The following NDUFS4 variants were observed in gnomAD, a reference collection of about 807,000 sequenced individuals.
The protein encoded by NDUFS4 is NADH:ubiquinone oxidoreductase subunit S4, also known as NADH dehydrogenase [ubiquinone] iron-sulfur protein 4, mitochondrial.
Under a neutral mutation model 24.3 loss-of-function variants are expected in NDUFS4, and 28 were observed. The observed-to-expected ratio is 1.15, with a 90% CI of 0.85 to 1.58. The LOEUF (loss-of-function observed/expected upper bound fraction) is 1.58, where lower values mean the gene tolerates loss of function less well. NDUFS4 is among the 40% of genes most tolerant of loss of function. The pLI, the probability that NDUFS4 is intolerant of heterozygous loss-of-function variation, is 0.00. For synonymous variants in NDUFS4, 93 were observed against 69.7 expected (o/e 1.34, Z -1.67); for missense variants, 223 against 207.9 (o/e 1.07, Z -0.45).
chr5:53,681,678 A>T (rs1218157672), intron 4 of NDUFS4, among the ~76,000 whole-genome samples: 2 of 152,052 alleles, frequency 1.3e-5, no homozygotes, highest in Admixed American at 6.6e-5. Flanking sequence ...TCTCTCCTGG[A>T]TTCTGATGTT....
intron 4 of NDUFS4, among the ~76,000 whole-genome samples, chr5:53,681,264 A>T (rs1740655294): frequency 6.6e-6 from 1 of 152,094 alleles, no homozygotes; most frequent in Non-Finnish European, 1.5e-5. Context: ...GAGTGACCTT[A>T]TGCTAGTTAC....
intron 2 of NDUFS4, among the ~76,000 whole-genome samples, chr5:53,628,895 A>G (rs1293060397): frequency 1.3e-5 from 2 of 151,952 alleles, no homozygotes; most frequent in Non-Finnish European, 1.5e-5. Context: ...CTGCTCTGAT[A>G]TTAGTCATTT....
At chr5:53,621,969 G>A (rs887058821) in intron 2 of NDUFS4, among the ~76,000 whole-genome samples, 2 of 151,846 alleles carry the variant, frequency 1.3e-5, no homozygotes, top group African/African-American at 4.8e-5. Flanking sequence ...CAAAGTGCTG[G>A]GATTACAGGC....
intron 4 of NDUFS4, among the ~76,000 whole-genome samples, chr5:53,676,599 T>C (rs1740477005): frequency 1.3e-5 from 2 of 152,050 alleles, no homozygotes; most frequent in South Asian, 4.1e-4. Context: ...TTTTAAACAG[T>C]GAAATTACCA....
chr5:53,581,926 C>T (rs184521940), intron 1 of NDUFS4, among the ~76,000 whole-genome samples: 19 of 152,216 alleles, frequency 1.2e-4, no homozygotes, highest in Admixed American at 9.2e-4. Flanking sequence ...TAAATGTGAG[C>T]TAGGGCTGGG....
At chr5:53,675,741 T>C (rs960638488) in intron 4 of NDUFS4, among the ~76,000 whole-genome samples, 2 of 152,220 alleles carry the variant, frequency 1.3e-5, no homozygotes, top group African/African-American at 4.8e-5. Flanking sequence ...CAATAGAGAA[T>C]AGACCTCTAT....
At chr5:53,681,135 C>T (rs1647520354) in intron 4 of NDUFS4, among the ~76,000 whole-genome samples, 4 of 152,162 alleles carry the variant, frequency 2.6e-5, no homozygotes, top group Middle Eastern at 6.8e-3. Flanking sequence ...CCAAATAATA[C>T]TTAACATTTA....
chr5:53,663,632 T>G (rs1277551197), intron 4 of NDUFS4, among the ~76,000 whole-genome samples: 1 of 152,226 alleles, frequency 6.6e-6, no homozygotes, highest in Non-Finnish European at 1.5e-5. Context: ...AAAGTCTGTT[T>G]TATCAGAGAC....
chr5:53,649,244 G>A (rs984501290), intron 3 of NDUFS4, among the ~76,000 whole-genome samples: 4 of 152,084 alleles, frequency 2.6e-5, no homozygotes, highest in African/African-American at 9.7e-5. Context: ...TACATGTGCA[G>A]GTTTGTTACA....
intron 3 of NDUFS4, among the ~76,000 whole-genome samples, chr5:53,654,646 T>C (rs1752113231): frequency 1.3e-5 from 2 of 152,164 alleles, no homozygotes; most frequent in Non-Finnish European, 2.9e-5. Flanking sequence ...TAACTGCTAC[T>C]GATACTTAAA....
chr5:53,618,924 G>A (rs1398604650), intron 2 of NDUFS4, among the ~76,000 whole-genome samples: 2 of 151,140 alleles, frequency 1.3e-5, no homozygotes, highest in African/African-American at 4.9e-5. Flanking sequence ...GACCAGCCTG[G>A]GCAACATGGT....
chr5:53,589,658 G>A (rs557974424), intron 1 of NDUFS4, among the ~76,000 whole-genome samples: 3 of 152,162 alleles, frequency 2.0e-5, no homozygotes, highest in Non-Finnish European at 4.4e-5. Flanking sequence ...TATTGATCCT[G>A]GGTGTGTCTG....
At chr5:53,600,335 T>C (rs182547320) in intron 1 of NDUFS4, among the ~76,000 whole-genome samples, 246 of 151,724 alleles carry the variant, frequency 1.6e-3, no homozygotes, top group African/African-American at 5.4e-3. Context: ...TTTGAGACAG[T>C]GTCTCACTTT....
chr5:53,644,521 G>A (rs921555014), intron 2 of NDUFS4, among the ~76,000 whole-genome samples: 3 of 152,098 alleles, frequency 2.0e-5, no homozygotes, highest in Non-Finnish European at 4.4e-5. Context: ...CTTCCCAGGA[G>A]TTGAGCCACT....
chr5:53,586,975 C>T (rs1321733173), intron 1 of NDUFS4, among the ~76,000 whole-genome samples: 2 of 152,140 alleles, frequency 1.3e-5, no homozygotes, highest in East Asian at 1.9e-4. Flanking sequence ...AGGCATGTGC[C>T]GCCATGCCTG....
intron 3 of NDUFS4, among the ~76,000 whole-genome samples, chr5:53,648,870 C>A (rs1202235037): frequency 6.6e-6 from 1 of 152,050 alleles, no homozygotes; most frequent in South Asian, 2.1e-4. Flanking sequence ...ACACAATATC[C>A]CCACCAATGT....
At chr5:53,563,402 A>G (rs1470166250) in intron 1 of NDUFS4, among the ~76,000 whole-genome samples, 1 of 151,998 alleles carries the variant, frequency 6.6e-6, no homozygotes, top group African/African-American at 2.4e-5. Flanking sequence ...TGATCTAGTT[A>G]CTTACTGAGC....
intron 1 of NDUFS4, among the ~76,000 whole-genome samples, chr5:53,600,483 AT>A (rs2112453468): frequency 1.3e-5 from 2 of 151,860 alleles, no homozygotes; most frequent in South Asian, 4.2e-4. Context: ...TAATTTTTGT[AT>A]TTTTAGTAGA....
chr5:53,638,411 G>A (rs1689147119), intron 2 of NDUFS4, among the ~76,000 whole-genome samples: 1 of 151,992 alleles, frequency 6.6e-6, no homozygotes, highest in Non-Finnish European at 1.5e-5. Flanking sequence ...GGCCCATAGG[G>A]CACTGTGAAA....
Sources: gnomAD v4.1 joint callset for allele counts (sites outside exome capture counted in the v4.1 genomes callset) on GRCh38, gnomAD v4.1.1 for gene constraint, MANE v1.5 for transcripts, NCBI Gene and HGNC (gene_info 2026-07-23, HGNC 2026-07-21) for gene names.